Variants in CTDP1 observed in about 807,000 individuals in gnomAD.
The protein encoded by CTDP1 is RNA polymerase II subunit A C-terminal domain phosphatase.
A neutral mutation model predicts 91.8 loss-of-function variants in CTDP1; 47 were observed. The ratio of observed to expected loss-of-function variants is 0.51; its 90% confidence interval spans 0.41 to 0.65. CTDP1 has a LOEUF of 0.65. Ranked by LOEUF, CTDP1 falls within the 30% of genes least tolerant of loss-of-function variation. The pLI is 0.00. For synonymous variants in CTDP1, 656 were observed against 598.5 expected (o/e 1.10, Z -1.40); for missense variants, 1,272 against 1,373.7 (o/e 0.93, Z 1.17).
chr18:79,700,660 C>T (rs2085839394), intron 4 of CTDP1, among the ~76,000 whole-genome samples: 1 of 152,244 alleles, frequency 6.6e-6, no homozygotes, highest in African/African-American at 2.4e-5. Context: ...GTTGGAGAAA[C>T]TGCGGCAAGT....
intron 12 of CTDP1, among the ~76,000 whole-genome samples, chr18:79,745,318 T>TGCGTCCCTCCCGTGCGCGTTCTGTCCCC (rs2086862158): frequency 2.3e-4 from 13 of 56,308 alleles, no homozygotes; most frequent in Non-Finnish European, 3.6e-4. Flanking sequence ...GTTCTGTCCC[T>TGCGTCCCTCCCGTGCGCGTTCTGTCCCC]GCGTCCCTCC....
chr18:79,696,554 G>T (rs970179496), intron 3 of CTDP1, among the ~76,000 whole-genome samples: 11 of 152,206 alleles, frequency 7.2e-5, no homozygotes, highest in Admixed American at 7.2e-4. Context: ...GTAGCACCTT[G>T]TTGGCTACAG....
At chr18:79,679,152 C>G, upstream of CTDP1, 1 of 307,000 alleles carries the variant, frequency 3.3e-6, no homozygotes, top group East Asian at 1.1e-4. Flanking sequence ...CAGGCGCTTC[C>G]GGGCGCCTTG....
At position 79,715,012 on chromosome 18, in the gene CTDP1, G is replaced by A. The variant is rs745430704; in HGVS notation, c.1552G>A (p.Glu518Lys). The A allele has an allele frequency of 1.1e-5, 18 of 1,594,826 alleles. No homozygotes were observed. The Admixed American group carries it at 1.6e-4, about 14-fold the overall frequency. ...AGCACCGAGTCTCCCCGGAGAGGCC[G>A]AGCCTGGCGCGCATGCCCCGGACAA... ...PAAPSLPGEA[E>K]PGAHAPDKEP... Residue 518 changes from glutamate to lysine, a missense_variant, in exon 8 of 13, where the codon GAG (glutamate) becomes AAG (lysine). Around this residue, in one of 3 missense-constraint regions of CTDP1, gnomAD observed 881 missense variants for 911.6 expected, o/e 0.97. Transcript: ENST00000613122.
intron 12 of CTDP1, among the ~76,000 whole-genome samples, chr18:79,749,255 C>T (rs990276037): frequency 2.0e-5 from 3 of 152,184 alleles, no homozygotes; most frequent in Non-Finnish European, 2.9e-5. Flanking sequence ...CCCTCCCCCT[C>T]CTCTCCCTGC....
chr18:79,715,429 C>A lies in CTDP1; in HGVS notation c.1969C>A (p.His657Asn). ...CTTCCCGATAGAGAAGACGCGGGAG[C>A]ATTACCACGCCACGGCGCTGGGAGC... ...TNFPIEKTRE[H>N]YHATALGAKI... The change falls in exon 8 of 13, where the codon CAT becomes AAT. Residue 657 changes from histidine to asparagine, a missense_variant. This residue lies in a region of CTDP1 where 881 missense variants were observed against 911.6 expected (regional missense o/e 0.97). Transcript: ENST00000613122. 1 of 1,597,700 alleles carries A rather than the reference C, an allele frequency of 6.3e-7. No homozygotes were observed. Among genetic ancestry groups the A allele is most frequent in the Non-Finnish European group, 8.5e-7 (1 of 1,172,176 alleles).
intron 10 of CTDP1, among the ~76,000 whole-genome samples, chr18:79,727,629 A>G (rs2086478137): frequency 6.6e-6 from 1 of 152,190 alleles, no homozygotes; most frequent in Non-Finnish European, 1.5e-5. Context: ...CTGGGCAGAA[A>G]ATCTTCTCTC....
intron 4 of CTDP1, 51 bp downstream of exon 4, chr18:79,698,039 G>A (rs1331445892): frequency 6.2e-7 from 1 of 1,608,482 alleles, no homozygotes; most frequent in East Asian, 2.2e-5. Context: ...GCGGGTCCTA[G>A]AATTTTGATT....
intron 11 of CTDP1, among the ~76,000 whole-genome samples, chr18:79,733,021 C>G (rs1348564883): frequency 6.6e-6 from 1 of 152,240 alleles, no homozygotes; most frequent in Admixed American, 6.5e-5. Context: ...GCATGCACCC[C>G]CACACAGTCC....
In CTDP1 at chr18:79,713,212, T is replaced by G. The variant is rs144765884; in HGVS notation, c.1030+74T>G. On this transcript the variant is annotated intron_variant, in intron 7 of 12. Coordinates refer to ENST00000613122, the MANE Select transcript of CTDP1 (RefSeq NM_004715.5). This position sits in a 1 kb window ranked among gnomAD's most constrained non-coding sequence, Gnocchi z 4.7. ...TGTTTAGCTCTTCTTATTTCTTATC[T>G]CTGTTTTGACTGCTATAAATTCAAG... 122 of 1,446,994 alleles carry G rather than the reference T, an allele frequency of 8.4e-5. No homozygotes were observed. The African/African-American group carries it at 1.4e-3, about 16-fold the overall frequency. The allele number at this position is 1,446,994 out of a possible 1,614,324, so 89.6% of individuals were successfully genotyped here. A position where few individuals can be genotyped will look rare whatever the true frequency, so the allele number is the denominator to read the frequency against.
intron 12 of CTDP1, among the ~76,000 whole-genome samples, chr18:79,742,563 C>G (rs2086802090): frequency 1.3e-5 from 2 of 152,212 alleles, no homozygotes; most frequent in Non-Finnish European, 2.9e-5. Context: ...CACAAACAAG[C>G]AAGCACGAGG....
At chr18:79,729,114 G>C (rs775354859) in intron 11 of CTDP1, 45 bp downstream of exon 11, 1 of 1,610,514 alleles carries the variant, frequency 6.2e-7, no homozygotes, top group Non-Finnish European at 8.5e-7. Flanking sequence ...CGCTCGTGCT[G>C]GGGCCGCAGA....
chr18:79,684,757 C>A (rs1425290056), intron 1 of CTDP1, among the ~76,000 whole-genome samples: 1 of 152,226 alleles, frequency 6.6e-6, no homozygotes, highest in Non-Finnish European at 1.5e-5. Context: ...GGTGAAGTTA[C>A]AATAGTCACT....
At position 79,717,803 on chromosome 18, in the gene CTDP1, C is replaced by T. The variant is rs2086248281; in HGVS notation, c.2211-7C>T. 1 of 1,613,850 alleles carries T rather than the reference C, an allele frequency of 6.2e-7. No homozygotes were observed. On this transcript the variant is annotated splice_polypyrimidine_tract_variant and splice_region_variant and intron_variant, in intron 9 of 12. Coordinates refer to ENST00000613122, the MANE Select transcript of CTDP1 (RefSeq NM_004715.5). ...CGCTCATGGCCCTCGTTCTCTTCCTCCGACAGGGAGAACAGCCCTGCGGCC... is the reference window on the plus strand; with the variant it reads ...CGCTCATGGCCCTCGTTCTCTTCCTTCGACAGGGAGAACAGCCCTGCGGCC...
chr18:79,738,465 C>T (rs1019594576), intron 12 of CTDP1, among the ~76,000 whole-genome samples: 4 of 152,214 alleles, frequency 2.6e-5, no homozygotes, highest in Admixed American at 6.5e-5. Context: ...GTAGGAGCAG[C>T]GCCAGCCTCG....
chr18:79,686,688 G>A (rs984554620), intron 1 of CTDP1, among the ~76,000 whole-genome samples: 3 of 152,272 alleles, frequency 2.0e-5, no homozygotes, highest in Admixed American at 6.5e-5. Context: ...GGTGTCGTAC[G>A]ATTTTGATGC....
At chr18:79,725,804 C>T (rs34496026) in intron 10 of CTDP1, among the ~76,000 whole-genome samples, 1 of 152,058 alleles carries the variant, frequency 6.6e-6, no homozygotes, top group Non-Finnish European at 1.5e-5. Flanking sequence ...GGACAAGACT[C>T]TGGGTTGATC....
chr18:79,701,730 GCATCAA>G (rs2085864284), intron 4 of CTDP1, among the ~76,000 whole-genome samples: 1 of 152,128 alleles, frequency 6.6e-6, no homozygotes, highest in African/African-American at 2.4e-5. Flanking sequence ...CAGAGTATCT[GCATCAA>G]CCAGGAGTTG....
chr18:79,744,803 G>A (rs1212318113), intron 12 of CTDP1, among the ~76,000 whole-genome samples: 1 of 152,156 alleles, frequency 6.6e-6, no homozygotes, highest in African/African-American at 2.4e-5. Flanking sequence ...CAGTCATGGG[G>A]GGCGTCGTGG....
Sources: allele counts gnomAD v4.1 joint callset (sites outside exome capture counted in the v4.1 genomes callset), GRCh38; gene constraint gnomAD v4.1.1; regional missense constraint gnomAD v4.1.1; non-coding constraint Gnocchi (gnomAD v3.1); transcripts MANE v1.5; gene names NCBI Gene and HGNC (gene_info 2026-07-23, HGNC 2026-07-21).